KDM3B: variants seen among roughly 807,000 people sequenced by gnomAD.
The protein encoded by KDM3B is lysine demethylase 3B, also known as lysine-specific demethylase 3B.
In KDM3B, 10 loss-of-function variants were observed where a neutral mutation model predicts 170.0. The ratio of observed to expected loss-of-function variants is 0.06; its 90% CI spans 0.04 to 0.10. The LOEUF is 0.10. Ranked by LOEUF, KDM3B falls within the 10% of genes least tolerant of loss-of-function variation. KDM3B has a pLI of 1.00. For missense variants in KDM3B, 1,394 were observed against 2,195.2 expected, an observed-to-expected ratio of 0.64 and a Z score of 7.29; for synonymous variants, 831 against 834.8, an observed-to-expected ratio of 1.00 and a Z score of 0.08.
At position 138,415,199 on chromosome 5, in the gene KDM3B, A is replaced by G. The variant is rs367834941; in HGVS notation, c.3267A>G (p.Glu1089=). Residue 1089 remains glutamate, a synonymous_variant, in exon 12 of 24, where the codon GAA becomes GAG. Transcript: ENST00000314358. ...WLKCAKGQSH[E]PENLMPTQII... ...AGTGTGCAAAGGGACAGTCCCACGA[A>G]CCAGAGAATCTCATGCCCACACAAA... is the stretch of plus-strand genomic sequence containing the variant. The G allele has an allele frequency of 1.3e-5, 21 of 1,610,230 alleles. No homozygotes were observed. Among genetic ancestry groups the G allele is most frequent in the African/African-American group, 9.3e-5 (7 of 74,902 alleles).
At chr5:138,397,947 G>A (rs935401535) in intron 9 of KDM3B, 2 of 418,330 alleles carry the variant, frequency 4.8e-6, no homozygotes, top group African/African-American at 2.0e-5. Flanking sequence ...ACAGGTGAAT[G>A]GAAAAACTAA....
intron 10 of KDM3B, among the ~76,000 whole-genome samples, chr5:138,398,891 T>G (rs1027970592): frequency 2.7e-5 from 4 of 147,488 alleles, no homozygotes; most frequent in South Asian, 4.5e-4. Flanking sequence ...AAATTTCTTT[T>G]TTTTTTTTTT....
At chr5:138,381,188 T>C (rs573077371) in intron 5 of KDM3B, among the ~76,000 whole-genome samples, 1 of 152,314 alleles carries the variant, frequency 6.6e-6, no homozygotes, top group African/African-American at 2.4e-5. Flanking sequence ...AGTGATTCTT[T>C]TAATGATTAT....
In KDM3B at chr5:138,415,184, G is replaced by A; in HGVS notation, c.3252G>A (p.Lys1084=). ...TTTTCTCCTGGTTGAAGTGTGCAAA[G>A]GGACAGTCCCACGAACCAGAGAATC... ...EEVFSWLKCA[K]GQSHEPENLM... is the part of the protein sequence containing the mutation. Residue 1084 remains lysine (K), a synonymous_variant, in exon 12 of 24, where the codon AAG becomes AAA. Coordinates refer to ENST00000314358, the MANE Select transcript of KDM3B (RefSeq NM_016604.4). The A allele has an allele frequency of 6.2e-7, 1 of 1,610,910 alleles. No individual in the cohort carries two copies. Among genetic ancestry groups the A allele is most frequent in the South Asian group, 1.1e-5 (1 of 90,730 alleles).
intron 3 of KDM3B, among the ~76,000 whole-genome samples, chr5:138,376,763 G>A (rs554156205): frequency 1.3e-5 from 2 of 151,620 alleles, no homozygotes; most frequent in South Asian, 2.1e-4. Flanking sequence ...GGCTGTTTGT[G>A]TAACTTGAGT....
chr5:138,422,221 T>A (rs1763290213), intron 15 of KDM3B, among the ~76,000 whole-genome samples: 2 of 152,252 alleles, frequency 1.3e-5, no homozygotes, highest in Non-Finnish European at 2.9e-5. Flanking sequence ...TTTCTGTTTC[T>A]TGCCTCTCCT....
chr5:138,375,154 T>C lies in KDM3B; in HGVS notation c.422T>C (p.Leu141Pro). Reference sequence around the variant, plus strand: ...TCTGTGGTTCCAGTGGAATATCTTCTGGATCGAGAGCTTCGGTTCCTGTCA... The same window carrying C: ...TCTGTGGTTCCAGTGGAATATCTTCCGGATCGAGAGCTTCGGTTCCTGTCA... ...LGSVVPVEYL[L>P]DRELRFLSDA... is the part of the protein sequence containing the mutation. Residue 141 changes from leucine (L) to proline (P), a missense_variant, in exon 3 of 24, where the codon CTG becomes CCG. Leu to Pro is a moderately conservative substitution (Grantham distance 98). Around this residue, in one of 19 missense-constraint regions of KDM3B, gnomAD observed 166 missense variants for 216.4 expected, o/e 0.77. Transcript: ENST00000314358. The C allele has an allele frequency of 6.2e-7, 1 of 1,613,994 alleles. No homozygotes were observed. Among genetic ancestry groups the C allele is most frequent in the Non-Finnish European group, 8.5e-7 (1 of 1,179,902 alleles).
chr5:138,413,986 GATA>G (rs1396002475), intron 11 of KDM3B, among the ~76,000 whole-genome samples: 1 of 152,000 alleles, frequency 6.6e-6, no homozygotes, highest in Non-Finnish European at 1.5e-5. Flanking sequence ...CTGATGAATA[GATA>G]AACAAGTTAT....
chr5:138,375,140 A>G lies in KDM3B; in HGVS notation c.408A>G (p.Pro136=). ...VDKLGLGSVV[P]VEYLLDRELR... ...AACTGGGTTTGGGTTCTGTGGTTCC[A>G]GTGGAATATCTTCTGGATCGAGAGC... is the stretch of plus-strand genomic sequence containing the variant. The change falls in exon 3 of 24, where the codon CCA becomes CCG. Residue 136 remains proline, a synonymous_variant. Coordinates refer to ENST00000314358, the MANE Select transcript of KDM3B (RefSeq NM_016604.4). 1.2e-6 allele frequency: 2 copies of G among 1,613,916 alleles called. No homozygotes were observed. The highest frequency in any genetic ancestry group is 1.7e-6 in the Non-Finnish European group (2 of 1,179,858).
At chr5:138,417,839 CA>C in intron 13 of KDM3B, 2 of 426,108 alleles carry the variant, frequency 4.7e-6, no homozygotes, top group Non-Finnish European at 8.5e-6. Flanking sequence ...TGACTGATAG[CA>C]CAAAGAGATT....
intron 11 of KDM3B, among the ~76,000 whole-genome samples, chr5:138,404,346 GC>G (rs1254048454): frequency 2.4e-4 from 36 of 152,182 alleles, no homozygotes; most frequent in African/African-American, 8.2e-4. Context: ...TGACAGGCTG[GC>G]CGGGCGCCAT....
chr5:138,375,035 G>T (rs1761962444), intron 2 of KDM3B, 58 bp from the exon 3 acceptor site: 2 of 875,744 alleles, frequency 2.3e-6, no homozygotes, highest in Admixed American at 1.8e-5. Context: ...AGATTTGTTT[G>T]AATTGCTGTT....
At chr5:138,433,075 C>T (rs1763577243) in intron 23 of KDM3B, among the ~76,000 whole-genome samples, 3 of 150,346 alleles carry the variant, frequency 2.0e-5, no homozygotes, top group South Asian at 4.2e-4. Context: ...CTGGTAGATT[C>T]AATCACCTTC....
At chr5:138,413,938 A>G (rs1763038968) in intron 11 of KDM3B, among the ~76,000 whole-genome samples, 1 of 152,076 alleles carries the variant, frequency 6.6e-6, no homozygotes, top group South Asian at 2.1e-4. Flanking sequence ...CTTTATTTAT[A>G]ATAGCCAAAA....
At chr5:138,356,984 T>C (rs185289927) in intron 1 of KDM3B, among the ~76,000 whole-genome samples, 152 of 147,730 alleles carry the variant, frequency 1.0e-3, no homozygotes, top group Middle Eastern at 3.6e-3. Context: ...TACAGAAAAA[T>C]AAGAATTTTA....
At chr5:138,434,310 G>T (rs1763618138) in intron 23 of KDM3B, among the ~76,000 whole-genome samples, 1 of 152,086 alleles carries the variant, frequency 6.6e-6, no homozygotes, top group African/African-American at 2.4e-5. Context: ...AACACTTTGG[G>T]AGGCCGAGGT....
rs558855136 is a variant in KDM3B at position 138,407,574 on chromosome 5, G to A, written c.3200-7558G>A. Among the ~76,000 whole-genome samples the A allele has an allele frequency of 7.9e-5, 12 of 152,118 alleles. 1 individual carries two copies. Among genetic ancestry groups the A allele is most frequent in the Admixed American group, 2.6e-4 (4 of 15,256 alleles). ...ACCTCAGGTATTTACCCCAGACAACGTAGCTGCTTCATACTGGGGACCTCG... is the reference window on the plus strand; with the variant it reads ...ACCTCAGGTATTTACCCCAGACAACATAGCTGCTTCATACTGGGGACCTCG... On this transcript the variant is annotated intron_variant, in intron 11 of 23. Transcript: ENST00000314358.
At chr5:138,405,514 A>G (rs551741919) in intron 11 of KDM3B, among the ~76,000 whole-genome samples, 1 of 151,750 alleles carries the variant, frequency 6.6e-6, no homozygotes, top group East Asian at 1.9e-4. Context: ...TTACAAAAGA[A>G]AAAAAAAACG....
intron 21 of KDM3B, 116 bp from the exon 22 acceptor site, chr5:138,430,133 G>A: frequency 1.5e-6 from 2 of 1,367,870 alleles, no homozygotes. Flanking sequence ...AGAGGATGTT[G>A]ACTAGAATAA....
Sources: gnomAD v4.1 joint callset for allele counts (sites outside exome capture counted in the v4.1 genomes callset) on GRCh38, gnomAD v4.1.1 for gene constraint, gnomAD v4.1.1 regional missense constraint, MANE v1.5 for transcripts, NCBI Gene and HGNC (gene_info 2026-07-23, HGNC 2026-07-21) for gene names.